COL23A1: variants seen among roughly 807,000 people sequenced by gnomAD.
The protein encoded by COL23A1 is collagen type XXIII alpha 1 chain.
COL23A1 carries 97 observed loss-of-function variants against 99.3 expected under a neutral mutation model. The observed-to-expected ratio is 0.98, with a 90% CI of 0.83 to 1.16. COL23A1 has a LOEUF of 1.16. COL23A1 is among the 50% of genes most tolerant of loss of function. The probability of loss-of-function intolerance (pLI) is 0.00; values close to 1 mark genes in which losing one functional copy is unlikely to be tolerated. For missense variants in COL23A1, 762 were observed against 757.4 expected (o/e 1.01, Z -0.07); for synonymous variants, 320 against 308.2 (o/e 1.04, Z -0.40).
At chr5:178,321,481 T>A (rs571128856) in intron 2 of COL23A1, among the ~76,000 whole-genome samples, 1,647 of 86,716 alleles carry the variant, frequency 0.019, 43 homozygotes, top group African/African-American at 0.087. Context: ...TCACCTTCCC[T>A]TTTTTTTTTT....
At chr5:178,378,146 C>T (rs530414278) in intron 2 of COL23A1, 1 of 152,318 alleles carries the variant, frequency 6.6e-6, no homozygotes, top group African/African-American at 2.4e-5. Flanking sequence ...AAATCCCATG[C>T]TGATCAGTAG....
intron 2 of COL23A1, among the ~76,000 whole-genome samples, chr5:178,388,494 C>T (rs1360292825): frequency 1.3e-5 from 2 of 152,172 alleles, no homozygotes; most frequent in East Asian, 3.9e-4. Context: ...GCGGCTCCTC[C>T]CAAGTCCTGG....
rs183845759 is a variant in COL23A1 at position 178,383,983 on chromosome 5, T to A, written c.362-77064A>T. On this transcript the variant is annotated intron_variant, in intron 2 of 28. Transcript: ENST00000390654. The stretch of plus-strand genomic sequence containing the variant: ...CAAAATGGAAACCTGTTATCCATCC[T>A]GTTAGCAAACGAGGCCACGCTGTGT... Among the ~76,000 whole-genome samples, 273 of 152,100 alleles carry A rather than the reference T, an allele frequency of 1.8e-3. 3 individuals carry two copies. The highest frequency in any genetic ancestry group is 6.4e-3 in the African/African-American group (266 of 41,464).
intron 1 of COL23A1, among the ~76,000 whole-genome samples, chr5:178,570,445 T>C (rs1239454964): frequency 6.6e-6 from 1 of 152,180 alleles, no homozygotes; most frequent in Admixed American, 6.5e-5. Flanking sequence ...ACTGTGGTTA[T>C]GTACATATGT....
intron 1 of COL23A1, among the ~76,000 whole-genome samples, chr5:178,585,217 T>C (rs1313073689): frequency 2.0e-5 from 3 of 152,170 alleles, no homozygotes; most frequent in Non-Finnish European, 4.4e-5. Flanking sequence ...GGCCAGTGGA[T>C]GACTGAACCC....
intron 2 of COL23A1, among the ~76,000 whole-genome samples, chr5:178,484,082 C>T (rs1383248966): frequency 2.0e-5 from 3 of 152,124 alleles, no homozygotes; most frequent in African/African-American, 4.8e-5. Context: ...TATGCCACCA[C>T]ATCTGCCTAA....
chr5:178,547,694 CACACACACCCATACACACCCCCCACA>C (rs1761723909), intron 2 of COL23A1, among the ~76,000 whole-genome samples: 4 of 41,916 alleles, frequency 9.5e-5, no homozygotes, highest in Non-Finnish European at 1.9e-4. Context: ...CACACACCCA[CACACACACCCATACACACCCCCCACA>C]CCCACACACC....
intron 15 of COL23A1, 21 bp downstream of exon 15, chr5:178,256,332 G>A (rs1490562270): frequency 2.5e-6 from 4 of 1,586,244 alleles, no homozygotes; most frequent in Non-Finnish European, 3.4e-6. Flanking sequence ...CTGAGGCCTC[G>A]CCTGAGGGGC....
chr5:178,311,484 CTGTGTGTG>C (rs1006253790), intron 2 of COL23A1, among the ~76,000 whole-genome samples: 1 of 58,128 alleles, frequency 1.7e-5, no homozygotes, highest in African/African-American at 6.0e-5. Context: ...GTTCTTTCCT[CTGTGTGTG>C]TGTGTGTGTG....
chr5:178,258,262 T>TATATATATATATACACAC lies in COL23A1; in HGVS notation c.730-696_730-695insGTGTGTATATATATATAT. Among the ~76,000 whole-genome samples the TATATATATATATACACAC allele has an allele frequency of 1.7e-4, 18 of 104,122 alleles. 2 individuals carry two copies. The highest frequency in any genetic ancestry group is 4.0e-4 in the Non-Finnish European group (18 of 44,826). The allele number at this position is 104,122 out of a possible 152,430, so 68.3% of individuals were successfully genotyped here. A position where few individuals can be genotyped will look rare whatever the true frequency, so the allele number is the denominator to read the frequency against. ...ATATATATATATATATATATATATATACACATGCAAATCAATTCTAGGCAC... is the reference window on the plus strand; with the variant it reads ...ATATATATATATATATATATATATATATATATATATATACACACACACATGCAAATCAATTCTAGGCAC... On this transcript the variant is annotated intron_variant, in intron 12 of 28. Transcript: ENST00000390654.
intron 2 of COL23A1, among the ~76,000 whole-genome samples, chr5:178,542,494 G>A (rs544305604): frequency 1.6e-4 from 25 of 152,310 alleles, no homozygotes; most frequent in South Asian, 1.2e-3. Flanking sequence ...AAGGGCCTGC[G>A]CTGGTCACTG....
chr5:178,560,769 G>C, intron 1 of COL23A1, 21 bp from the exon 2 acceptor site: 3 of 1,556,690 alleles, frequency 1.9e-6, no homozygotes. Context: ...AAAAAAAAAA[G>C]AAAAAAAACG....
At chr5:178,326,519 G>A (rs1474140378) in intron 2 of COL23A1, among the ~76,000 whole-genome samples, 1 of 152,002 alleles carries the variant, frequency 6.6e-6, no homozygotes, top group Non-Finnish European at 1.5e-5. Context: ...ATGACACCCT[G>A]AGAAGAAACC....
At position 178,340,678 on chromosome 5, in the gene COL23A1, G is replaced by A. The variant is rs1394988428; in HGVS notation, c.362-33759C>T. On this transcript the variant is annotated intron_variant, in intron 2 of 28. Transcript: ENST00000390654. The surrounding 1 kb of genome is among the most constrained non-coding windows in gnomAD (Gnocchi z 4.7). Reference sequence around the variant, plus strand: ...AGGCTCTGCATGTGTTTGGCTGATGGCAAACTGGACACCGGGGATTCTAGT... The same window carrying A: ...AGGCTCTGCATGTGTTTGGCTGATGACAAACTGGACACCGGGGATTCTAGT... Among the ~76,000 whole-genome samples the A allele has an allele frequency of 6.6e-6, 1 of 152,238 alleles. No individual in the cohort carries two copies. The highest frequency in any genetic ancestry group is 2.4e-5 in the African/African-American group (1 of 41,466).
chr5:178,291,410 T>C (rs954921915), intron 3 of COL23A1, among the ~76,000 whole-genome samples: 2 of 152,136 alleles, frequency 1.3e-5, no homozygotes, highest in Non-Finnish European at 1.5e-5. Context: ...GGAAGCTCCA[T>C]GCATAGCACA....
At chr5:178,301,667 GCTA>G (rs1758040308) in intron 3 of COL23A1, among the ~76,000 whole-genome samples, 1 of 152,230 alleles carries the variant, frequency 6.6e-6, no homozygotes, top group Non-Finnish European at 1.5e-5. Flanking sequence ...GTCATGTGCA[GCTA>G]CTGACTTCTC....
chr5:178,570,178 T>G (rs774956603), intron 1 of COL23A1, among the ~76,000 whole-genome samples: 24 of 151,418 alleles, frequency 1.6e-4, no homozygotes, highest in Non-Finnish European at 2.7e-4. Context: ...AGTGGTACCA[T>G]CATGGCTCAC....
intron 22 of COL23A1, 66 bp from the exon 23 acceptor site, chr5:178,246,519 T>C (rs1419835118): frequency 1.3e-6 from 2 of 1,487,872 alleles, no homozygotes; most frequent in African/African-American, 2.8e-5. Flanking sequence ...CAGGCAAGCT[T>C]GGAGACTGCA....
intron 2 of COL23A1, among the ~76,000 whole-genome samples, chr5:178,382,073 G>A (rs1367444402): frequency 1.3e-5 from 2 of 151,994 alleles, no homozygotes; most frequent in African/African-American, 4.8e-5. Context: ...TCTGGGTTTC[G>A]GTTCTCAGTC....
Sources: gnomAD v4.1 joint callset for allele counts (sites outside exome capture counted in the v4.1 genomes callset) on GRCh38, gnomAD v4.1.1 for gene constraint, Gnocchi (gnomAD v3.1) non-coding constraint, MANE v1.5 for transcripts, NCBI Gene and HGNC (gene_info 2026-07-23, HGNC 2026-07-21) for gene names.